The following RBFOX1 variants were observed in gnomAD, a reference collection of about 807,000 sequenced individuals.
The protein encoded by RBFOX1 is RNA binding protein fox-1 homolog 1.
Under a neutral mutation model 57.7 loss-of-function variants are expected in RBFOX1, and 8 were observed. The ratio of observed to expected loss-of-function variants is 0.14; its 90% CI spans 0.08 to 0.25. The LOEUF is 0.25. RBFOX1 is among the 10% of genes least tolerant of loss of function. The probability of loss-of-function intolerance (pLI) is 1.00; values close to 1 mark genes in which losing one functional copy is unlikely to be tolerated. For missense variants in RBFOX1, 611 were observed against 548.5 expected (o/e 1.11, Z -1.14); for synonymous variants, 326 against 222.4 (o/e 1.47, Z -4.15).
chr16:7,449,007 A>C (rs1401848497), intron 4 of RBFOX1, among the ~76,000 whole-genome samples: 2 of 126,760 alleles, frequency 1.6e-5, no homozygotes, highest in Middle Eastern at 6.7e-3. Flanking sequence ...TCGGCTCACC[A>C]CAACCTCCAC....
rs570673558 is a variant in RBFOX1 at position 7,121,737 on chromosome 16, C to G, written c.27+69639C>G. On this transcript the variant is annotated intron_variant, in intron 4 of 15. Coordinates refer to ENST00000550418, the MANE Select transcript of RBFOX1 (RefSeq NM_018723.4). Reference sequence around the variant, plus strand: ...AAGGAAAAACAAAAACTAGAATATCCAAAATAAAGAAGAATAAAATTAGGT... The same window carrying G: ...AAGGAAAAACAAAAACTAGAATATCGAAAATAAAGAAGAATAAAATTAGGT... 4.5e-4 allele frequency among the ~76,000 whole-genome samples: 68 copies of G among 151,590 alleles called. 2 individuals are homozygous for G. The South Asian group carries it at 0.013, about 29-fold the overall frequency.
chr16:7,669,702 G>A (rs964887393), intron 13 of RBFOX1, among the ~76,000 whole-genome samples: 1 of 152,078 alleles, frequency 6.6e-6, no homozygotes, highest in African/African-American at 2.4e-5. Context: ...AAACAAAGAG[G>A]TATCCTCATT....
chr16:6,248,514 G>A (rs150014018), intron 1 of RBFOX1, among the ~76,000 whole-genome samples: 172 of 152,294 alleles, frequency 1.1e-3, no homozygotes, highest in Admixed American at 1.9e-3. Flanking sequence ...GGAGAGGGCA[G>A]GATGCTCATT....
intron 3 of RBFOX1, among the ~76,000 whole-genome samples, chr16:6,882,407 C>T (rs1455380475): frequency 6.6e-6 from 1 of 151,952 alleles, no homozygotes; most frequent in South Asian, 2.1e-4. Flanking sequence ...CCAGCCTGGC[C>T]AACATGATGA....
intron 5 of RBFOX1, among the ~76,000 whole-genome samples, chr16:7,571,056 G>A (rs1457195762): frequency 2.6e-5 from 4 of 152,078 alleles, no homozygotes; most frequent in Non-Finnish European, 4.4e-5. Flanking sequence ...CACAGGGAGG[G>A]GAACAACACA....
rs75877115 is a variant in RBFOX1, at chr16:5,937,390, A to G, written c.351+70055A>G. Among the ~76,000 whole-genome samples, 183 of 152,296 alleles carry G rather than the reference A, an allele frequency of 1.2e-3. 1 individual carries two copies. The East Asian group carries it at 0.032, about 27-fold the overall frequency. On this transcript the variant is annotated intron_variant, in intron 4 of 19. Transcript: ENST00000641259. ...AAGCAAATGCCATGGTTTACATTCT[A>G]GAGTAGAGGCGTGAACCAAGTGTTG... is the stretch of plus-strand genomic sequence containing the variant.
At chr16:5,404,436 T>A (rs1053405907) in intron 1 of RBFOX1, among the ~76,000 whole-genome samples, 1 of 152,164 alleles carries the variant, frequency 6.6e-6, no homozygotes, top group African/African-American at 2.4e-5. Flanking sequence ...GAGAGGCCAC[T>A]GTCACTTAGA....
chr16:7,302,470 T>G (rs1156230758), intron 4 of RBFOX1, among the ~76,000 whole-genome samples: 1 of 152,014 alleles, frequency 6.6e-6, no homozygotes, highest in Non-Finnish European at 1.5e-5. Context: ...GGTGGCCAGT[T>G]CCAGGGTTCT....
chr16:6,656,609 C>CAT (rs1010542390), intron 3 of RBFOX1, among the ~76,000 whole-genome samples: 2 of 150,660 alleles, frequency 1.3e-5, no homozygotes, highest in Non-Finnish European at 2.9e-5. Flanking sequence ...GACACACACA[C>CAT]ACACACACAC....
intron 3 of RBFOX1, among the ~76,000 whole-genome samples, chr16:6,671,256 T>C (rs1041662960): frequency 6.6e-6 from 1 of 152,206 alleles, no homozygotes; most frequent in African/African-American, 2.4e-5. Flanking sequence ...TGGCTTCTTA[T>C]GCTCAGCACA....
At chr16:6,274,457 T>A (rs1226208934) in intron 1 of RBFOX1, among the ~76,000 whole-genome samples, 1 of 152,108 alleles carries the variant, frequency 6.6e-6, no homozygotes, top group African/African-American at 2.4e-5. Flanking sequence ...AAAATTCCAA[T>A]TTATGTAAAA....
chr16:6,418,536 T>A (rs1490203721), intron 2 of RBFOX1, among the ~76,000 whole-genome samples: 1 of 145,054 alleles, frequency 6.9e-6, no homozygotes, highest in African/African-American at 2.6e-5. Context: ...TTTTTTTTTT[T>A]TTTTTTTGAC....
intron 4 of RBFOX1, among the ~76,000 whole-genome samples, chr16:7,459,685 T>G (rs1313419026): frequency 6.6e-6 from 1 of 152,202 alleles, no homozygotes; most frequent in African/African-American, 2.4e-5. Context: ...ATTGCACCAT[T>G]TTGGCATTTC....
rs148560881 is a variant in RBFOX1, at chr16:6,190,200, T to C, written c.-126-126795T>C. On this transcript the variant is annotated intron_variant, in intron 1 of 15. Coordinates refer to ENST00000550418, the MANE Select transcript of RBFOX1 (RefSeq NM_018723.4). The stretch of plus-strand genomic sequence containing the variant: ...AAATTCTGTAGATGTTCAATAAGTA[T>C]TTAAATCAATGAATGAATGAAGGGC... Among the ~76,000 whole-genome samples the C allele has an allele frequency of 1.9e-3, 291 of 152,354 alleles. 1 individual carries two copies. The highest frequency in any genetic ancestry group is 0.01 in the Middle Eastern group (3 of 294).
At chr16:6,776,042 C>T (rs902150861) in intron 3 of RBFOX1, 6 of 152,132 alleles carry the variant, frequency 3.9e-5, no homozygotes, top group Non-Finnish European at 5.9e-5. Flanking sequence ...ACTTTACTTT[C>T]TTGGATCATA....
intron 3 of RBFOX1, among the ~76,000 whole-genome samples, chr16:6,758,429 G>C (rs1240228823): frequency 1.3e-5 from 2 of 152,126 alleles, no homozygotes; most frequent in African/African-American, 2.4e-5. Context: ...TGCTAGAGTT[G>C]ACAAATTACA....
intron 4 of RBFOX1, among the ~76,000 whole-genome samples, chr16:7,065,820 G>A (rs1050355442): frequency 2.5e-4 from 38 of 152,066 alleles, no homozygotes; most frequent in Non-Finnish European, 1.0e-4. Flanking sequence ...CAGCCTCCAA[G>A]CCTCTGGTAA....
chr16:7,577,246 C>G (rs1405672809), intron 5 of RBFOX1, among the ~76,000 whole-genome samples: 1 of 152,186 alleles, frequency 6.6e-6, no homozygotes, highest in African/African-American at 2.4e-5. Flanking sequence ...CCTTAGGTGG[C>G]TCCTTATTGC....
chr16:7,589,403 T>G (rs1029738630), intron 7 of RBFOX1, among the ~76,000 whole-genome samples: 2 of 152,210 alleles, frequency 1.3e-5, no homozygotes, highest in Non-Finnish European at 2.9e-5. Flanking sequence ...TAAGACATCT[T>G]CCGTCATTCC....
Sources: allele counts gnomAD v4.1 joint callset (sites outside exome capture counted in the v4.1 genomes callset), GRCh38; gene constraint gnomAD v4.1.1; transcripts MANE v1.5; gene names NCBI Gene and HGNC (gene_info 2026-07-23, HGNC 2026-07-21).